The following TMEM38B variants were observed in gnomAD, a reference collection of about 807,000 sequenced individuals.
TMEM38B encodes trimeric intracellular cation channel type B.
A neutral mutation model predicts 28.7 loss-of-function variants in TMEM38B; 24 were observed. The ratio of observed to expected loss-of-function variants is 0.84; its 90% CI spans 0.61 to 1.18. TMEM38B has a LOEUF of 1.18. Among genes scored for constraint, TMEM38B ranks in the 50% most tolerant of loss-of-function variants. The probability of loss-of-function intolerance (pLI) is 0.00; values close to 1 mark genes in which losing one functional copy is unlikely to be tolerated. For synonymous variants in TMEM38B, 131 were observed against 127.7 expected, an observed-to-expected ratio of 1.03 and a Z score of -0.17; for missense variants, 380 against 350.9, an observed-to-expected ratio of 1.08 and a Z score of -0.66.
rs544557246 is a variant in TMEM38B, at chr9:105,773,925, A to G, written c.721A>G (p.Ser241Gly). Reference sequence around the variant, plus strand: ...ATTTGCTCCTTTTGAGGATACATTGAGTTGGATGCTATTTGGCTGGCAGCA... The same window carrying G: ...ATTTGCTCCTTTTGAGGATACATTGGGTTGGATGCTATTTGGCTGGCAGCA... The part of the protein sequence containing the change: ...MTFAPFEDTL[S>G]WMLFGWQQPF... The change falls in exon 6 of 6, where the codon AGT (serine) becomes GGT (glycine). Residue 241 changes from serine to glycine, a missense_variant. Transcript: ENST00000374692. 2 of 1,613,772 alleles carry G rather than the reference A, an allele frequency of 1.2e-6. No individual in the cohort carries two copies. Among genetic ancestry groups the G allele is most frequent in the African/African-American group, 2.7e-5 (2 of 75,026 alleles).
chr9:105,746,323 T>G (rs2133614837), intron 4 of TMEM38B, among the ~76,000 whole-genome samples: 1 of 152,310 alleles, frequency 6.6e-6, no homozygotes, highest in East Asian at 1.9e-4. Flanking sequence ...CTAGGTATTT[T>G]ATTCTCTTTG....
intron 5 of TMEM38B, among the ~76,000 whole-genome samples, chr9:105,750,360 A>C (rs1837602438): frequency 6.6e-6 from 1 of 152,036 alleles, no homozygotes; most frequent in Non-Finnish European, 1.5e-5. Flanking sequence ...ACAGTGGCTC[A>C]CACCTATAAT....
intron 1 of TMEM38B, among the ~76,000 whole-genome samples, 171 bp downstream of exon 1, chr9:105,694,943 T>G (rs1397332429): frequency 1.3e-5 from 2 of 152,210 alleles, no homozygotes; most frequent in East Asian, 1.9e-4. Flanking sequence ...ACTTACTGAG[T>G]GCAGATGGGG....
intron 4 of TMEM38B, among the ~76,000 whole-genome samples, chr9:105,735,789 T>C (rs1836949782): frequency 6.6e-6 from 1 of 152,154 alleles, no homozygotes; most frequent in South Asian, 2.1e-4. Flanking sequence ...TGAACCTGTT[T>C]GGGGAGTTTT....
intron 1 of TMEM38B, among the ~76,000 whole-genome samples, chr9:105,700,493 G>T (rs1835428284): frequency 6.6e-6 from 1 of 152,180 alleles, no homozygotes. Flanking sequence ...TATGGAGCTA[G>T]TTCTTGACTC....
At position 105,721,598 on chromosome 9, in the gene TMEM38B, C is replaced by T. The variant is rs376474086; in HGVS notation, c.331C>T (p.Gln111Ter). The T allele has an allele frequency of 3.1e-6, 5 of 1,613,378 alleles. No individual in the cohort carries two copies. Among genetic ancestry groups the T allele is most frequent in the Non-Finnish European group, 4.2e-6 (5 of 1,179,640 alleles). The change falls in exon 3 of 6, where the codon CAA becomes TAA. Residue 111 changes from glutamine (Q) to a stop codon, truncating the protein, a stop_gained. Coordinates refer to ENST00000374692, the MANE Select transcript of TMEM38B (RefSeq NM_018112.3). LOFTEE classifies it high-confidence loss of function. ...CCAGGGCTATTCATATCTACCTGTT[C>T]AACTACTGGCTTCGGGAATGAAGGA... ...VSQGYSYLPV[Q>*]LLASGMKEVT...
At chr9:105,758,242 G>T (rs141825091) in intron 5 of TMEM38B, 118 of 660,094 alleles carry the variant, frequency 1.8e-4, no homozygotes, top group Middle Eastern at 1.6e-3. Context: ...TGTATTATTC[G>T]TCCTACTTTA....
chr9:105,759,247 A>G lies in TMEM38B; in HGVS notation c.660+11057A>G, dbSNP rs752719963. The G allele has an allele frequency of 2.5e-5, 18 of 717,742 alleles. No homozygotes were observed. The South Asian group carries it at 2.7e-4, about 11-fold the overall frequency. 44.5% of individuals were successfully genotyped at this position (717,742 alleles called of 1,614,324 possible). On this transcript the variant is annotated intron_variant, in intron 5 of 5. Coordinates refer to ENST00000374692, the MANE Select transcript of TMEM38B (RefSeq NM_018112.3). ...GTGAACATTTTGGTTGTTTGTGGCT[A>G]TGTCATAGTTTCAGATAGATCCAGT...
intron 2 of TMEM38B, among the ~76,000 whole-genome samples, chr9:105,720,074 A>T (rs562278446): frequency 1.3e-5 from 2 of 152,184 alleles, no homozygotes; most frequent in East Asian, 3.9e-4. Flanking sequence ...AATCTTATAG[A>T]ACATGTACAA....
intron 5 of TMEM38B, chr9:105,759,506 G>A: frequency 1.9e-6 from 3 of 1,580,354 alleles, no homozygotes; most frequent in Non-Finnish European, 2.6e-6. Flanking sequence ...ATAATGGGAG[G>A]AAGCTGTCAT....
At chr9:105,710,882 T>G in intron 2 of TMEM38B, 1 of 292,204 alleles carries the variant, frequency 3.4e-6, no homozygotes, top group Non-Finnish European at 6.6e-6. Flanking sequence ...GGCTCCGCTA[T>G]GGCAACCGCC....
At chr9:105,707,237 A>G (rs896235477) in intron 2 of TMEM38B, among the ~76,000 whole-genome samples, 2 of 152,232 alleles carry the variant, frequency 1.3e-5, no homozygotes, top group Non-Finnish European at 2.9e-5. Flanking sequence ...CCAAATAATT[A>G]TGGCTCATAT....
At chr9:105,765,158 C>CT (rs1368530580) in intron 5 of TMEM38B, among the ~76,000 whole-genome samples, 1 of 152,026 alleles carries the variant, frequency 6.6e-6, no homozygotes, top group Non-Finnish European at 1.5e-5. Flanking sequence ...TATGCTGAAA[C>CT]TTTTTTTGTT....
Position 105,760,546 on chromosome 9 carries a change from G to A in TMEM38B, c.660+12356G>A, listed in dbSNP as rs1838003796. ...TTCTACCTCTCAAGCTGCAGTTACA[G>A]AACTTATAGAAAATGTTATTAAAAA... On this transcript the variant is annotated intron_variant, in intron 5 of 5. Transcript: ENST00000374692. 4.0e-6 allele frequency: 3 copies of A among 741,882 alleles called. No individual in the cohort carries two copies. In the South Asian group the frequency reaches 4.6e-5, roughly 11 times the overall value. 46.0% of individuals were successfully genotyped at this position (741,882 alleles called of 1,614,324 possible).
intron 4 of TMEM38B, among the ~76,000 whole-genome samples, chr9:105,727,822 C>A (rs1401054008): frequency 1.3e-5 from 2 of 152,086 alleles, no homozygotes; most frequent in Non-Finnish European, 2.9e-5. Flanking sequence ...TTATTTATTA[C>A]CATCCTCTTG....
intron 4 of TMEM38B, among the ~76,000 whole-genome samples, chr9:105,735,876 A>AT (rs1564402001): frequency 6.6e-6 from 1 of 151,642 alleles, no homozygotes; most frequent in Admixed American, 6.6e-5. Context: ...ATTAAAAAAA[A>AT]TTTTTTTAGA....
intron 2 of TMEM38B, among the ~76,000 whole-genome samples, chr9:105,706,330 T>A (rs1003820199): frequency 2.6e-5 from 4 of 152,258 alleles, no homozygotes; most frequent in African/African-American, 9.6e-5. Flanking sequence ...TCTTGCTATG[T>A]GCAAGACTGC....
Position 105,694,592 on chromosome 9 carries a change from ACTC to A in TMEM38B, c.-65_-63del. 2.0e-5 allele frequency: 26 copies of A among 1,330,714 alleles called. No individual in the cohort carries two copies. Among genetic ancestry groups the A allele is most frequent in the Non-Finnish European group, 2.7e-5 (25 of 929,476 alleles). 82.4% of individuals were successfully genotyped at this position (1,330,714 alleles called of 1,614,324 possible). On this transcript the variant is annotated 5_prime_UTR_variant, in exon 1 of 6. Transcript: ENST00000374692. ...GGCGGCCGCGGCTGTGCCCTCTCCT[ACTC>A]CTCACCGCGCGAGCGCGGGGAACCA...
chr9:105,737,711 G>T (rs1186776523), intron 4 of TMEM38B, among the ~76,000 whole-genome samples: 1 of 152,178 alleles, frequency 6.6e-6, no homozygotes, highest in African/African-American at 2.4e-5. Context: ...CATGTTTCAG[G>T]TGCCAAGGGG....
Sources: allele counts gnomAD v4.1 joint callset (sites outside exome capture counted in the v4.1 genomes callset), GRCh38; gene constraint gnomAD v4.1.1; transcripts MANE v1.5; gene names NCBI Gene and HGNC (gene_info 2026-07-23, HGNC 2026-07-21).